Variants in CELA2B observed in about 807,000 individuals in gnomAD.
CELA2B encodes the protein chymotrypsin like elastase 2B.
A neutral mutation model predicts 36.5 loss-of-function variants in CELA2B; 27 were observed. That is an observed-to-expected ratio of 0.74 (90% CI 0.55 to 1.02). The LOEUF is 1.02. Ranked by LOEUF, CELA2B falls within the 50% of genes least tolerant of loss-of-function variation. The pLI is 0.00. For synonymous variants in CELA2B, 143 were observed against 148.5 expected, an observed-to-expected ratio of 0.96 and a Z score of 0.27; for missense variants, 340 against 347.8, an observed-to-expected ratio of 0.98 and a Z score of 0.18.
intron 2 of CELA2B, among the ~76,000 whole-genome samples, chr1:15,478,800 C>T (rs1708705051): frequency 6.6e-6 from 1 of 152,056 alleles, no homozygotes; most frequent in Non-Finnish European, 1.5e-5. Context: ...CTCCTGACCT[C>T]AGGTGATCCA....
intron 4 of CELA2B, among the ~76,000 whole-genome samples, chr1:15,482,681 G>A (rs542015949): frequency 2.0e-5 from 3 of 152,290 alleles, no homozygotes; most frequent in African/African-American, 7.2e-5. Context: ...AAGTCCTGGG[G>A]ACACAGAGAC....
At chr1:15,476,665 G>A in intron 2 of CELA2B, 120 bp downstream of exon 2, 3 of 950,336 alleles carry the variant, frequency 3.2e-6, no homozygotes, top group East Asian at 2.5e-5. Context: ...GATTCAGAGA[G>A]CAGCACAGGA....
At chr1:15,489,769 C>A (rs1708851607) in intron 7 of CELA2B, among the ~76,000 whole-genome samples, 1 of 152,220 alleles carries the variant, frequency 6.6e-6, no homozygotes, top group Non-Finnish European at 1.5e-5. Context: ...GTAATACATA[C>A]TCTTTGTAAA....
At chr1:15,479,454 G>C (rs1409074751) in intron 2 of CELA2B, among the ~76,000 whole-genome samples, 2 of 152,162 alleles carry the variant, frequency 1.3e-5, no homozygotes, top group Non-Finnish European at 2.9e-5. Flanking sequence ...GCTGAGGCAG[G>C]AGAATGGCTT....
chr1:15,484,909 T>G (rs1474938130), intron 5 of CELA2B, among the ~76,000 whole-genome samples: 1 of 152,116 alleles, frequency 6.6e-6, no homozygotes, highest in Non-Finnish European at 1.5e-5. Flanking sequence ...TGATTTTTTT[T>G]TTTTTTGAGA....
At chr1:15,482,171 C>A in intron 3 of CELA2B, 94 bp from the exon 4 acceptor site, 1 of 1,502,350 alleles carries the variant, frequency 6.7e-7, no homozygotes, top group Non-Finnish European at 9.0e-7. Context: ...CAACTAGTGG[C>A]TCATGAAGCA....
At chr1:15,480,898 A>ATT (rs79727774) in intron 2 of CELA2B, among the ~76,000 whole-genome samples, 200 bp from the exon 3 acceptor site, 90 of 145,568 alleles carry the variant, frequency 6.2e-4, no homozygotes, top group African/African-American at 1.2e-3. Flanking sequence ...GCCTGGCCTG[A>ATT]TTTTTTTTTT....
intron 5 of CELA2B, among the ~76,000 whole-genome samples, chr1:15,483,812 C>T (rs952879059): frequency 1.3e-5 from 2 of 151,860 alleles, no homozygotes; most frequent in Non-Finnish European, 2.9e-5. Context: ...GCCTGTAGTC[C>T]GAGCTACTTG....
chr1:15,486,435 T>C (rs927034705), intron 6 of CELA2B, among the ~76,000 whole-genome samples: 32 of 152,132 alleles, frequency 2.1e-4, no homozygotes, highest in Non-Finnish European at 4.3e-4. Flanking sequence ...GCTGAGATGA[T>C]GCCACTGCAC....
In CELA2B at chr1:15,482,522, G is replaced by A. The variant is rs138785879; in HGVS notation, c.356+129G>A. The A allele has an allele frequency of 1.5e-5, 20 of 1,341,098 alleles. No individual in the cohort carries two copies. In the East Asian group the frequency reaches 4.5e-4, roughly 30 times the overall value. 83.1% of individuals were successfully genotyped at this position (1,341,098 alleles called of 1,614,324 possible). On this transcript the variant is annotated intron_variant, in intron 4 of 7. Transcript: ENST00000375910. ...CTATAGGGAAGAGAAAGGAGCTCTGGCCTATTAGATGTGGAACCGGCTCCA... is the reference window on the plus strand; with the variant it reads ...CTATAGGGAAGAGAAAGGAGCTCTGACCTATTAGATGTGGAACCGGCTCCA...
chr1:15,476,202 C>T (rs1165771485), intron 1 of CELA2B, 37 bp downstream of exon 1: 1 of 1,613,712 alleles, frequency 6.2e-7, no homozygotes, highest in Non-Finnish European at 8.5e-7. Flanking sequence ...GTTTCCCATC[C>T]CCTGGTGGGG....
At chr1:15,488,204 T>A (rs763011090) in intron 7 of CELA2B, among the ~76,000 whole-genome samples, 1 of 152,000 alleles carries the variant, frequency 6.6e-6, no homozygotes, top group African/African-American at 2.4e-5. Context: ...CTGGGCAACA[T>A]AGCGAGACTC....
At chr1:15,487,474 A>T (rs3737704) in intron 7 of CELA2B, 37 bp downstream of exon 7, 25 of 1,611,716 alleles carry the variant, frequency 1.6e-5, no homozygotes, top group Non-Finnish European at 1.9e-5. Context: ...CAAGGCACTG[A>T]CCTGCTCACC....
intron 2 of CELA2B, 61 bp downstream of exon 2, chr1:15,476,606 T>G: frequency 6.6e-7 from 1 of 1,504,906 alleles, no homozygotes; most frequent in South Asian, 1.1e-5. Context: ...ATCCCCCCTT[T>G]GCCCTTCCAC....
intron 7 of CELA2B, 96 bp downstream of exon 7, chr1:15,487,533 C>T: frequency 6.7e-7 from 1 of 1,496,780 alleles, no homozygotes; most frequent in Non-Finnish European, 9.2e-7. Flanking sequence ...CCCCCTCCTT[C>T]CTCTTGAGAG....
At chr1:15,488,032 C>T (rs1483433499) in intron 7 of CELA2B, among the ~76,000 whole-genome samples, 1 of 152,188 alleles carries the variant, frequency 6.6e-6, no homozygotes, top group African/African-American at 2.4e-5. Flanking sequence ...TCCACACTAG[C>T]TCAAATTCTT....
Position 15,482,296 on chromosome 1 carries a change from C to A in CELA2B, c.259C>A (p.Gln87Lys), listed in dbSNP as rs1165469937. 6.2e-7 allele frequency: 1 copy of A among 1,614,098 alleles called. No homozygotes were observed. The highest frequency in any genetic ancestry group is 1.3e-5 in the African/African-American group (1 of 75,046). The change falls in exon 4 of 8, where the codon CAG becomes AAG. Residue 87 changes from glutamine to lysine, a missense_variant. Physicochemically the swap from Gln to Lys is moderately conservative, Grantham distance 53. Coordinates refer to ENST00000375910, the MANE Select transcript of CELA2B (RefSeq NM_015849.3). Reference sequence around the variant, plus strand: ...CGGGATCTACCGCGTGATGCTGGGCCAGCATAACCTCTACGTTGCAGAGTC... The same window carrying A: ...CGGGATCTACCGCGTGATGCTGGGCAAGCATAACCTCTACGTTGCAGAGTC... ...SSGIYRVMLGQHNLYVAESGS... is the reference protein window; with the variant it reads ...SSGIYRVMLGKHNLYVAESGS...
intron 4 of CELA2B, 107 bp downstream of exon 4, chr1:15,482,500 T>C (rs1277455896): frequency 2.7e-6 from 4 of 1,478,372 alleles, no homozygotes; most frequent in Non-Finnish European, 2.8e-6. Flanking sequence ...GCTTTTTCTA[T>C]AGGGAAGAGA....
chr1:15,487,624 G>A (rs1028150929), intron 7 of CELA2B, among the ~76,000 whole-genome samples, 187 bp downstream of exon 7: 2 of 152,200 alleles, frequency 1.3e-5, no homozygotes, highest in Non-Finnish European at 1.5e-5. Flanking sequence ...TTCTGTGTGG[G>A]TAAAGCTGAG....
Sources: gnomAD v4.1 joint callset for allele counts (sites outside exome capture counted in the v4.1 genomes callset) on GRCh38, gnomAD v4.1.1 for gene constraint, MANE v1.5 for transcripts, NCBI Gene and HGNC (gene_info 2026-07-23, HGNC 2026-07-21) for gene names.